Variants in WDFY3 observed in about 807,000 individuals in gnomAD.
WDFY3 encodes WD repeat and FYVE domain containing 3, also known as WD repeat and FYVE domain-containing protein 3.
In WDFY3, 66 loss-of-function variants were observed where a neutral mutation model predicts 409.6. The ratio of observed to expected loss-of-function variants is 0.16; its 90% CI spans 0.13 to 0.20. The LOEUF (loss-of-function observed/expected upper bound fraction) is 0.20. WDFY3 is among the 10% of genes least tolerant of loss of function. WDFY3 has a pLI of 1.00. For synonymous variants in WDFY3, 1,521 were observed against 1,537.1 expected (o/e 0.99, Z 0.25); for missense variants, 3,031 against 4,298.1 (o/e 0.71, Z 8.24).
intron 15 of WDFY3, 124 bp downstream of exon 15, chr4:84,808,205 AAAAAC>A (rs771952035): frequency 5.1e-4 from 410 of 801,074 alleles, no homozygotes; most frequent in African/African-American, 1.0e-3. Context: ...CCCCAAAAGT[AAAAAC>A]AAAACAAAAC....
intron 65 of WDFY3, 124 bp from the exon 66 acceptor site, chr4:84,678,403 C>T: frequency 1.6e-6 from 1 of 631,174 alleles, no homozygotes; most frequent in South Asian, 2.0e-5. Context: ...GCAGCTTTTC[C>T]AGTTCTCGGC....
At chr4:84,863,106 T>C (rs570884462) in intron 3 of WDFY3, among the ~76,000 whole-genome samples, 2 of 152,340 alleles carry the variant, frequency 1.3e-5, no homozygotes, top group South Asian at 4.1e-4. Context: ...TATCTGCTTT[T>C]CTTTGTCATT....
intron 12 of WDFY3, among the ~76,000 whole-genome samples, chr4:84,818,154 TA>T (rs1157637542): frequency 1.3e-5 from 2 of 152,164 alleles, no homozygotes; most frequent in Admixed American, 1.3e-4. Context: ...ACTCATCCCC[TA>T]CCATATAGAG....
chr4:84,838,066 A>T (rs759525526), intron 6 of WDFY3, among the ~76,000 whole-genome samples: 4 of 152,236 alleles, frequency 2.6e-5, no homozygotes, highest in Non-Finnish European at 4.4e-5. Context: ...GAATTAAAAT[A>T]AAAAGGGAAA....
In WDFY3 at chr4:84,830,951, G is replaced by C. The variant is rs537711795; in HGVS notation, c.769+462C>G. On this transcript the variant is annotated intron_variant, in intron 8 of 67. Coordinates refer to ENST00000295888, the MANE Select transcript of WDFY3 (RefSeq NM_014991.6). ...CGCCTGTAATCCCAGCACTTTGGGA[G>C]GCTGAGGAGGGTGGATCACAAGGTC... Among the ~76,000 whole-genome samples, 28 of 152,200 alleles carry C rather than the reference G, an allele frequency of 1.8e-4. 2 individuals carry two copies. In the South Asian group the frequency reaches 5.6e-3, roughly 30 times the overall value.
In WDFY3 at chr4:84,766,246, A is replaced by G. The variant is rs781253875; in HGVS notation, c.4970+6T>C. On this transcript the variant is annotated splice_donor_region_variant and intron_variant, in intron 31 of 67. Coordinates refer to ENST00000295888, the MANE Select transcript of WDFY3 (RefSeq NM_014991.6). ...GTATAATCACTTTTAAAAAAGATTT[A>G]CTTACTGCAAATTAATGCTTGTCTT... The G allele has an allele frequency of 1.3e-6, 2 of 1,573,078 alleles. No homozygotes were observed. Among genetic ancestry groups the G allele is most frequent in the Admixed American group, 2.0e-5 (1 of 50,620 alleles).
chr4:84,682,686 G>C, intron 63 of WDFY3: 1 of 516,458 alleles, frequency 1.9e-6, no homozygotes, highest in African/African-American at 1.9e-5. Flanking sequence ...AGTCATATTA[G>C]TTTAAAAACA....
chr4:84,803,609 A>AACAC (rs1263335422), intron 15 of WDFY3, 142 bp from the exon 16 acceptor site: 1 of 902,080 alleles, frequency 1.1e-6, no homozygotes, highest in Non-Finnish European at 1.7e-6. Flanking sequence ...ATATATTATC[A>AACAC]ACTCGAGTTG....
chr4:84,787,400 T>C (rs913403923), intron 23 of WDFY3, 82 bp downstream of exon 23: 13 of 1,346,782 alleles, frequency 9.7e-6, no homozygotes, highest in Non-Finnish European at 1.3e-5. Context: ...TAACAATATG[T>C]ATAACCTCAG....
rs747178094 is a variant in WDFY3 at position 84,787,681 on chromosome 4, T to C, written c.3702A>G (p.Ser1234=). 3.1e-6 allele frequency: 5 copies of C among 1,614,034 alleles called. No individual in the cohort carries two copies. In the South Asian group the frequency reaches 3.3e-5, roughly 11 times the overall value. Residue 1234 remains serine (S), a synonymous_variant, in exon 23 of 68, where the codon TCA becomes TCG. Coordinates refer to ENST00000295888, the MANE Select transcript of WDFY3 (RefSeq NM_014991.6). ...TCACCACTGGTGGATTTGCCGAACC[T>C]GAACCCCCTGGAGTACTGTGGACAT... ...LHYVHSTPGG[S]GSANPPVVST... is the part of the protein sequence containing the mutation.
intron 3 of WDFY3, among the ~76,000 whole-genome samples, chr4:84,878,767 T>C (rs1407076507): frequency 6.6e-6 from 1 of 152,194 alleles, no homozygotes; most frequent in Non-Finnish European, 1.5e-5. Flanking sequence ...AGTGTACTCA[T>C]GTGCTTTAGT....
chr4:84,763,738 G>T (rs929939139), intron 32 of WDFY3, among the ~76,000 whole-genome samples: 1 of 151,998 alleles, frequency 6.6e-6, no homozygotes, highest in African/African-American at 2.4e-5. Context: ...AAGTTAAGTG[G>T]GGTCAAATTG....
chr4:84,948,159 C>G (rs1288613825), intron 1 of WDFY3, among the ~76,000 whole-genome samples: 1 of 152,200 alleles, frequency 6.6e-6, no homozygotes, highest in Non-Finnish European at 1.5e-5. Flanking sequence ...CTTGCTTCCT[C>G]TTATCCAACT....
At chr4:84,779,821 C>T (rs1416241675) in intron 26 of WDFY3, among the ~76,000 whole-genome samples, 2 of 151,926 alleles carry the variant, frequency 1.3e-5, no homozygotes, top group African/African-American at 4.8e-5. Flanking sequence ...AACCAGCAAA[C>T]CTTTGTTCTG....
chr4:84,740,734 A>G (rs553001182), intron 38 of WDFY3, among the ~76,000 whole-genome samples: 20 of 152,318 alleles, frequency 1.3e-4, no homozygotes, highest in African/African-American at 4.8e-4. Context: ...CTCCTCACAA[A>G]TATATTTTGT....
Position 84,808,339 on chromosome 4 carries a change from C to T in WDFY3, c.2424G>A (p.Arg808=), listed in dbSNP as rs1443178795. Residue 808 remains arginine, a synonymous_variant, in exon 15 of 68, where the codon AGG becomes AGA. Transcript: ENST00000295888. ...TTCTCTTATATGATCAGTACCTTTT[C>T]CTGGACAAAGCTGGTGTACCCCAAG... The part of the protein sequence containing the change: ...PSPWGTPALS[R]KRHAYHSVST... The T allele has an allele frequency of 1.2e-6, 2 of 1,613,494 alleles. No individual in the cohort carries two copies. The highest frequency in any genetic ancestry group is 3.3e-5 in the Admixed American group (2 of 59,992).
intron 67 of WDFY3, among the ~76,000 whole-genome samples, chr4:84,673,347 G>A (rs1725738896): frequency 6.6e-6 from 1 of 152,180 alleles, no homozygotes; most frequent in Non-Finnish European, 1.5e-5. Flanking sequence ...TGGGAGGTAT[G>A]TCAATGTCTT....
intron 5 of WDFY3, among the ~76,000 whole-genome samples, chr4:84,844,240 G>A (rs774981148): frequency 2.0e-5 from 3 of 152,002 alleles, no homozygotes; most frequent in Admixed American, 6.6e-5. Context: ...CATTTAAAGC[G>A]TATTCCATTT....
intron 13 of WDFY3, among the ~76,000 whole-genome samples, chr4:84,812,782 A>C (rs995021811): frequency 1.3e-5 from 2 of 152,068 alleles, no homozygotes; most frequent in African/African-American, 4.8e-5. Flanking sequence ...CCCACCTCCT[A>C]CTTCCTCAAA....
Sources: allele counts gnomAD v4.1 joint callset (sites outside exome capture counted in the v4.1 genomes callset), GRCh38; gene constraint gnomAD v4.1.1; transcripts MANE v1.5; gene names NCBI Gene and HGNC (gene_info 2026-07-23, HGNC 2026-07-21).